The following GLCCI1 variants were observed in gnomAD, a reference collection of about 807,000 sequenced individuals.
GLCCI1 encodes glucocorticoid-induced transcript 1 protein.
GLCCI1 carries 24 observed loss-of-function variants against 52.2 expected under a neutral mutation model. The observed-to-expected ratio is 0.46, with a 90% CI of 0.33 to 0.65. The LOEUF is 0.65. Among genes scored for constraint, GLCCI1 ranks in the 30% least tolerant of loss-of-function variants. The pLI, the probability that GLCCI1 is intolerant of heterozygous loss-of-function variation, is 0.02. For synonymous variants in GLCCI1, 310 were observed against 276.5 expected (o/e 1.12, Z -1.20); for missense variants, 704 against 701.5 (o/e 1.00, Z -0.04).
intron 5 of GLCCI1, among the ~76,000 whole-genome samples, chr7:8,066,329 G>A (rs1472544478): frequency 6.6e-6 from 1 of 151,880 alleles, no homozygotes; most frequent in Non-Finnish European, 1.5e-5. Flanking sequence ...TTCTTTCAAA[G>A]AATTAATGCA....
chr7:7,970,771 G>A (rs1780335327), intron 1 of GLCCI1, among the ~76,000 whole-genome samples: 1 of 152,174 alleles, frequency 6.6e-6, no homozygotes, highest in African/African-American at 2.4e-5. Flanking sequence ...GGGACTTAAA[G>A]CTCATAAGGG....
At chr7:8,076,296 G>C (rs868807753) in intron 6 of GLCCI1, among the ~76,000 whole-genome samples, 1 of 152,084 alleles carries the variant, frequency 6.6e-6, no homozygotes. Flanking sequence ...ATCTGGATGC[G>C]TTTATCAAAA....
At chr7:7,973,710 T>C (rs188274196) in intron 1 of GLCCI1, among the ~76,000 whole-genome samples, 53 of 152,240 alleles carry the variant, frequency 3.5e-4, no homozygotes, top group African/African-American at 1.2e-3. Flanking sequence ...TTTTCATGAG[T>C]ATCTTGAGAG....
intron 1 of GLCCI1, among the ~76,000 whole-genome samples, chr7:7,978,017 T>C (rs1303742978): frequency 1.3e-5 from 2 of 152,162 alleles, no homozygotes; most frequent in Non-Finnish European, 2.9e-5. Flanking sequence ...AATATAGCTT[T>C]GGGGCGGTGA....
At chr7:7,994,188 A>G (rs916544855) in intron 1 of GLCCI1, among the ~76,000 whole-genome samples, 1 of 152,168 alleles carries the variant, frequency 6.6e-6, no homozygotes, top group Admixed American at 6.5e-5. Context: ...TGGGAGGCAG[A>G]GGTTACAGTG....
At chr7:8,027,383 G>T (rs958963646) in intron 3 of GLCCI1, among the ~76,000 whole-genome samples, 4 of 152,142 alleles carry the variant, frequency 2.6e-5, no homozygotes, top group Non-Finnish European at 5.9e-5. Context: ...AGCTACTGGG[G>T]AGGCTGAGGC....
intron 1 of GLCCI1, among the ~76,000 whole-genome samples, chr7:8,003,268 G>C (rs1781081421): frequency 6.6e-6 from 1 of 152,148 alleles, no homozygotes; most frequent in Non-Finnish European, 1.5e-5. Context: ...TGTGACATCT[G>C]AACTGGTCTT....
At chr7:7,988,401 A>G (rs1054872111) in intron 1 of GLCCI1, among the ~76,000 whole-genome samples, 2 of 152,316 alleles carry the variant, frequency 1.3e-5, no homozygotes, top group African/African-American at 4.8e-5. Flanking sequence ...GAACTTTCGA[A>G]TAAGTTATGG....
At chr7:8,025,646 C>T (rs1389734318) in intron 3 of GLCCI1, among the ~76,000 whole-genome samples, 1 of 152,066 alleles carries the variant, frequency 6.6e-6, no homozygotes, top group African/African-American at 2.4e-5. Flanking sequence ...TGATGAAAAA[C>T]AATCTACAGA....
chr7:8,050,923 G>C lies in GLCCI1; in HGVS notation c.697-4510G>C, dbSNP rs556384301. On this transcript the variant is annotated intron_variant, in intron 3 of 7. Transcript: ENST00000223145. ...TGTGCTTTTGTTGAAAAATAAATGA[G>C]ATAATTCATATAAAAGCAAGTAGCA... Among the ~76,000 whole-genome samples, 374 of 152,168 alleles carry C rather than the reference G, an allele frequency of 2.5e-3. 3 individuals are homozygous for C. Among genetic ancestry groups the C allele is most frequent in the Middle Eastern group, 6.8e-3 (2 of 294 alleles).
intron 6 of GLCCI1, among the ~76,000 whole-genome samples, chr7:8,072,021 G>A (rs1296786309): frequency 6.6e-6 from 1 of 152,152 alleles, no homozygotes. Context: ...TAAGTGCTCA[G>A]CCAAATGAAT....
intron 3 of GLCCI1, among the ~76,000 whole-genome samples, chr7:8,046,545 A>C (rs562204293): frequency 1.3e-5 from 2 of 152,224 alleles, no homozygotes; most frequent in South Asian, 4.1e-4. Flanking sequence ...TTTGGTTTCC[A>C]TAACTTCTTA....
At chr7:7,977,635 T>C (rs1419501683) in intron 1 of GLCCI1, among the ~76,000 whole-genome samples, 1 of 152,148 alleles carries the variant, frequency 6.6e-6, no homozygotes, top group Non-Finnish European at 1.5e-5. Context: ...GTCTTTAAAA[T>C]GAAGGGGATA....
rs565615235 is a variant in GLCCI1, at chr7:8,015,893, C to T, written c.610-6590C>T. Reference sequence around the variant, plus strand: ...CTGATACTCAGTTTTCTTCCCTTTACGAGAAACATTTAGCTGGAAACAAAA... The same window carrying T: ...CTGATACTCAGTTTTCTTCCCTTTATGAGAAACATTTAGCTGGAAACAAAA... On this transcript the variant is annotated intron_variant, in intron 2 of 7. Coordinates refer to ENST00000223145, the MANE Select transcript of GLCCI1 (RefSeq NM_138426.4). 1.1e-3 allele frequency among the ~76,000 whole-genome samples: 170 copies of T among 152,270 alleles called. 2 individuals are homozygous for T. Among genetic ancestry groups the T allele is most frequent in the East Asian group, 9.7e-4 (5 of 5,180 alleles).
chr7:7,982,247 G>T, intron 1 of GLCCI1: 1 of 232,606 alleles, frequency 4.3e-6, no homozygotes, highest in Non-Finnish European at 8.8e-6. Flanking sequence ...TGAAGAGGCA[G>T]AATTGAGTGG....
intron 1 of GLCCI1, among the ~76,000 whole-genome samples, chr7:7,972,563 T>C (rs1456634697): frequency 6.6e-6 from 1 of 152,174 alleles, no homozygotes; most frequent in Non-Finnish European, 1.5e-5. Context: ...CTTAAAAATG[T>C]TTTTATGATT....
intron 6 of GLCCI1, among the ~76,000 whole-genome samples, chr7:8,082,891 A>G (rs950613936): frequency 6.6e-6 from 1 of 152,240 alleles, no homozygotes; most frequent in Non-Finnish European, 1.5e-5. Flanking sequence ...TACTGAAAGA[A>G]TGTGATAGGC....
intron 2 of GLCCI1, among the ~76,000 whole-genome samples, chr7:8,013,432 T>C (rs2127945903): frequency 6.6e-6 from 1 of 152,346 alleles, no homozygotes; most frequent in Admixed American, 6.5e-5. Flanking sequence ...CTATACTATA[T>C]ACCATTAATA....
chr7:7,972,323 A>ATGTGTGTG (rs140431128), intron 1 of GLCCI1, among the ~76,000 whole-genome samples: 1 of 149,690 alleles, frequency 6.7e-6, no homozygotes, highest in African/African-American at 2.4e-5. Context: ...ACTTCAGTGT[A>ATGTGTGTG]TGTGTGTGTG....
Sources: allele counts gnomAD v4.1 joint callset (sites outside exome capture counted in the v4.1 genomes callset), GRCh38; gene constraint gnomAD v4.1.1; transcripts MANE v1.5; gene names NCBI Gene and HGNC (gene_info 2026-07-23, HGNC 2026-07-21).